USP6NL: variants seen among roughly 807,000 people sequenced by gnomAD.
USP6NL encodes USP6 N-terminal-like protein.
In USP6NL, 26 loss-of-function variants were observed where a neutral mutation model predicts 61.9. The observed-to-expected ratio is 0.42, with a 90% CI of 0.31 to 0.58. The LOEUF (loss-of-function observed/expected upper bound fraction) is 0.58, where lower values mean the gene tolerates loss of function less well. Ranked by LOEUF, USP6NL falls within the 20% of genes least tolerant of loss-of-function variation. The pLI, the probability that USP6NL is intolerant of heterozygous loss-of-function variation, is 0.16. For missense variants in USP6NL, 1,114 were observed against 1,034.3 expected (o/e 1.08, Z -1.06); for synonymous variants, 432 against 390.1 (o/e 1.11, Z -1.27).
At chr10:11,550,091 A>G (rs1401992037) in intron 2 of USP6NL, among the ~76,000 whole-genome samples, 1 of 152,246 alleles carries the variant, frequency 6.6e-6, no homozygotes, top group African/African-American at 2.4e-5. Context: ...ATCTATATCT[A>G]TATTAAACCT....
intron 2 of USP6NL, among the ~76,000 whole-genome samples, chr10:11,551,044 G>C (rs1321025584): frequency 6.6e-6 from 1 of 152,014 alleles, no homozygotes; most frequent in African/African-American, 2.4e-5. Flanking sequence ...ATACAAAATG[G>C]TACAGCCATG....
chr10:11,578,847 T>C (rs1414565336), intron 2 of USP6NL, among the ~76,000 whole-genome samples: 2 of 152,230 alleles, frequency 1.3e-5, no homozygotes, highest in Non-Finnish European at 2.9e-5. Context: ...GTTTATGTCA[T>C]TTTACTAGGT....
intron 7 of USP6NL, among the ~76,000 whole-genome samples, chr10:11,498,667 A>G (rs1834048641): frequency 6.6e-6 from 1 of 152,190 alleles, no homozygotes; most frequent in Admixed American, 6.5e-5. Flanking sequence ...TAGGTACTTT[A>G]TTTTAAAATA....
Position 11,474,789 on chromosome 10 carries a change from C to CA in USP6NL, c.1078+6980dup, listed in dbSNP as rs746713333. Among the ~76,000 whole-genome samples the CA allele has an allele frequency of 6.7e-6, 1 of 149,802 alleles. No homozygotes were observed. The highest frequency in any genetic ancestry group is 1.5e-5 in the Non-Finnish European group (1 of 67,612). The stretch of plus-strand genomic sequence containing the variant: ...TAATATGTGAATTCAAAGCATTTAG[C>CA]AAAAAATCTATCATAGAAGACTCAG... On this transcript the variant is annotated intron_variant, in intron 14 of 14. Coordinates refer to ENST00000609104, the MANE Select transcript of USP6NL (RefSeq NM_014688.5). This position sits in a 1 kb window ranked among gnomAD's most constrained non-coding sequence, Gnocchi z 4.9.
intron 2 of USP6NL, among the ~76,000 whole-genome samples, chr10:11,581,596 TTG>T (rs1198670143): frequency 1.3e-5 from 2 of 152,342 alleles, no homozygotes; most frequent in Non-Finnish European, 2.9e-5. Context: ...GATGATTTTA[TTG>T]TGACAAACAT....
chr10:11,610,828 G>A (rs559070585), intron 1 of USP6NL, among the ~76,000 whole-genome samples: 1 of 152,014 alleles, frequency 6.6e-6, no homozygotes, highest in Admixed American at 6.6e-5. Flanking sequence ...TGCACCCATG[G>A]ATTCCTACGC....
In USP6NL at chr10:11,575,415, A is replaced by C. The variant is rs1837506619; in HGVS notation, c.4+22216T>G. 6.6e-6 allele frequency among the ~76,000 whole-genome samples: 1 copy of C among 152,190 alleles called. No homozygotes were observed. The highest frequency in any genetic ancestry group is 6.5e-5 in the Admixed American group (1 of 15,274). On this transcript the variant is annotated intron_variant, in intron 2 of 14. Coordinates refer to ENST00000609104, the MANE Select transcript of USP6NL (RefSeq NM_014688.5). This position sits in a 1 kb window ranked among gnomAD's most constrained non-coding sequence, Gnocchi z 4.2. ...TCTGGAGAGAAGATCTTTGGAAGGTACTGTTTTGACAGGTAACTTTCCATT... is the reference window on the plus strand; with the variant it reads ...TCTGGAGAGAAGATCTTTGGAAGGTCCTGTTTTGACAGGTAACTTTCCATT...
intron 2 of USP6NL, among the ~76,000 whole-genome samples, chr10:11,579,095 T>C (rs1837652951): frequency 6.6e-6 from 1 of 152,242 alleles, no homozygotes. Flanking sequence ...CTTACATTCA[T>C]TCAACAAGCA....
In USP6NL at chr10:11,489,139, C is replaced by T. The variant is rs1833604873; in HGVS notation, c.627G>A (p.Leu209=). Residue 209 remains leucine (L), a synonymous_variant, in exon 10 of 15, where the codon CTG becomes CTA. Coordinates refer to ENST00000609104, the MANE Select transcript of USP6NL (RefSeq NM_014688.5). The surrounding 1 kb of genome is among the most constrained non-coding windows in gnomAD (Gnocchi z 5.7). ...GTTTAGGGCCTGAGAAGAGTTTGAC[C>T]AGGGCCCAGAAGGCATCTTCCTCGT... The part of the protein sequence containing the change: ...YMNEEDAFWA[L]VKLFSGPKHA... The T allele has an allele frequency of 1.2e-6, 2 of 1,613,876 alleles. No homozygotes were observed. The highest frequency in any genetic ancestry group is 1.7e-6 in the Non-Finnish European group (2 of 1,179,826).
At chr10:11,521,017 C>T (rs1835183110) in intron 4 of USP6NL, among the ~76,000 whole-genome samples, 1 of 152,096 alleles carries the variant, frequency 6.6e-6, no homozygotes, top group Non-Finnish European at 1.5e-5. Context: ...AAGAGAGAGA[C>T]CTTAACTGGA....
chr10:11,506,652 A>G (rs920492272), intron 6 of USP6NL, among the ~76,000 whole-genome samples: 1 of 152,122 alleles, frequency 6.6e-6, no homozygotes, highest in Non-Finnish European at 1.5e-5. Flanking sequence ...CTCTCAAAAA[A>G]AAACAAAAAA....
intron 1 of USP6NL, among the ~76,000 whole-genome samples, chr10:11,604,104 C>G (rs1361175525): frequency 2.6e-5 from 4 of 152,144 alleles, no homozygotes; most frequent in Non-Finnish European, 5.9e-5. Flanking sequence ...AATTTTCAGC[C>G]TACCTACCAC....
intron 2 of USP6NL, among the ~76,000 whole-genome samples, chr10:11,547,632 C>CG (rs960053634): frequency 5.3e-5 from 8 of 151,964 alleles, no homozygotes; most frequent in African/African-American, 1.5e-4. Context: ...CTCCGCCTCC[C>CG]GGGGTTCACG....
chr10:11,531,481 C>T (rs533851360), intron 2 of USP6NL, among the ~76,000 whole-genome samples: 115 of 152,058 alleles, frequency 7.6e-4, no homozygotes, highest in Non-Finnish European at 1.2e-3. Context: ...AGCCACCCGC[C>T]TAATTTTTGT....
chr10:11,462,283 G>T lies in USP6NL; in HGVS notation c.*158C>A, dbSNP rs766430246. 2.3e-6 allele frequency: 2 copies of T among 861,546 alleles called. No homozygotes were observed. The highest frequency in any genetic ancestry group is 3.4e-6 in the Non-Finnish European group (2 of 579,734). 53.4% of individuals were successfully genotyped at this position (861,546 alleles called of 1,614,324 possible). A position where few individuals can be genotyped will look rare whatever the true frequency, so the allele number is the denominator to read the frequency against. ...AACGCTCATCTTAAGCAGCATCTAC[G>T]TGGGGCTGAAGACATTTCCCTGTAT... On this transcript the variant is annotated 3_prime_UTR_variant, in exon 15 of 15. Coordinates refer to ENST00000609104, the MANE Select transcript of USP6NL (RefSeq NM_014688.5).
At position 11,495,163 on chromosome 10, in the gene USP6NL, C is replaced by CA. The variant is rs1833866645; in HGVS notation, c.385-1936dup. Among the ~76,000 whole-genome samples the CA allele has an allele frequency of 6.6e-6, 1 of 152,244 alleles. No homozygotes were observed. The highest frequency in any genetic ancestry group is 2.4e-5 in the African/African-American group (1 of 41,468). On this transcript the variant is annotated intron_variant, in intron 7 of 14. Transcript: ENST00000609104. This position sits in a 1 kb window ranked among gnomAD's most constrained non-coding sequence, Gnocchi z 4.6. ...CTGTCCGGGCATAACAGAAGGTTCG[C>CA]ACTCTTGTCTTCTGGTCACTTCTCA...
rs534368300 is a variant in USP6NL at position 11,578,051 on chromosome 10, C to G, written c.4+19580G>C. On this transcript the variant is annotated intron_variant, in intron 2 of 14. Transcript: ENST00000609104. Reference sequence around the variant, plus strand: ...CAATCCTCACTGCAACCTCTGCCTCCCAGGCTCAAGTGATCCTCCCACCTC... The same window carrying G: ...CAATCCTCACTGCAACCTCTGCCTCGCAGGCTCAAGTGATCCTCCCACCTC... 2.3e-3 allele frequency among the ~76,000 whole-genome samples: 353 copies of G among 152,290 alleles called. 1 individual carries two copies. Among genetic ancestry groups the G allele is most frequent in the African/African-American group, 8.2e-3 (341 of 41,564 alleles).
chr10:11,610,410 A>G (rs920180005), intron 1 of USP6NL, among the ~76,000 whole-genome samples: 3 of 152,218 alleles, frequency 2.0e-5, no homozygotes, highest in Non-Finnish European at 4.4e-5. Context: ...AGGAAAGAAA[A>G]AAGAACACTG....
rs1351252108 is a variant in USP6NL at position 11,462,582 on chromosome 10, T to C, written c.2346A>G (p.Val782=). ...AAGCTTTATATCTCACGGGACTATC[T>C]ACAGAAACTGCAGGGAGGCCATGGT... The part of the protein sequence containing the change: ...FQDHGLPAVS[V]DSPVRYKASP... Residue 782 remains valine (V), a synonymous_variant, in exon 15 of 15, where the codon GTA becomes GTG. Coordinates refer to ENST00000609104, the MANE Select transcript of USP6NL (RefSeq NM_014688.5). 2 of 1,613,886 alleles carry C rather than the reference T, an allele frequency of 1.2e-6. No individual in the cohort carries two copies. Among genetic ancestry groups the C allele is most frequent in the Admixed American group, 1.7e-5 (1 of 60,002 alleles).
Sources: allele counts gnomAD v4.1 joint callset (sites outside exome capture counted in the v4.1 genomes callset), GRCh38; gene constraint gnomAD v4.1.1; non-coding constraint Gnocchi (gnomAD v3.1); transcripts MANE v1.5; gene names NCBI Gene and HGNC (gene_info 2026-07-23, HGNC 2026-07-21).